The following CCDC39 variants were observed in gnomAD, a reference collection of about 807,000 sequenced individuals.
CCDC39 encodes coiled-coil domain 39 molecular ruler complex subunit.
A neutral mutation model predicts 121.0 loss-of-function variants in CCDC39; 113 were observed. That is an observed-to-expected ratio of 0.93 (90% CI 0.80 to 1.09). CCDC39 has a LOEUF of 1.09. CCDC39 is among the 50% of genes least tolerant of loss of function. The pLI is 0.00. For missense variants in CCDC39, 1,063 were observed against 1,074.7 expected, an observed-to-expected ratio of 0.99 and a Z score of 0.15; for synonymous variants, 349 against 352.2, an observed-to-expected ratio of 0.99 and a Z score of 0.10.
At chr3:180,646,886 T>G (rs1718079217) in intron 11 of CCDC39, among the ~76,000 whole-genome samples, 193 bp downstream of exon 11, 1 of 152,056 alleles carries the variant, frequency 6.6e-6, no homozygotes, top group African/African-American at 2.4e-5. Flanking sequence ...ATACAATATT[T>G]AGCATATACT....
At chr3:180,665,774 C>G (rs777357517) in intron 1 of CCDC39, among the ~76,000 whole-genome samples, 7 of 151,516 alleles carry the variant, frequency 4.6e-5, no homozygotes, top group Admixed American at 1.3e-4. Context: ...ATATAAGGGC[C>G]ACCCAAGAAT....
chr3:180,619,354 C>T lies in CCDC39; in HGVS notation c.2170G>A (p.Glu724Lys), dbSNP rs759035327. The change falls in exon 16 of 20, where the codon GAG becomes AAG. Residue 724 changes from glutamate to lysine, a missense_variant. Physicochemically the swap from Glu to Lys is moderately conservative, Grantham distance 56. Coordinates refer to ENST00000476379, the MANE Select transcript of CCDC39 (RefSeq NM_181426.2). ...KKVTPSSDEY[E>K]LKIQLEEQKR... ...TGTTCTTCTAGTTGAATTTTTAGCTCATACTCATCACCTGAAATGTAGAAC... is the reference window on the plus strand; with the variant it reads ...TGTTCTTCTAGTTGAATTTTTAGCTTATACTCATCACCTGAAATGTAGAAC... 2.0e-6 allele frequency: 3 copies of T among 1,484,276 alleles called. No homozygotes were observed. Among genetic ancestry groups the T allele is most frequent in the Admixed American group, 4.0e-5 (2 of 50,122 alleles). The allele number at this position is 1,484,276 out of a possible 1,614,324, so 91.9% of individuals were successfully genotyped here. A position where few individuals can be genotyped will look rare whatever the true frequency, so the allele number is the denominator to read the frequency against.
chr3:180,631,480 A>G lies in CCDC39; in HGVS notation c.1987T>C (p.Tyr663His). The change falls in exon 14 of 20, where the codon TAT becomes CAT. Residue 663 changes from tyrosine to histidine, a missense_variant. Physicochemically the swap from Tyr to His is moderately conservative, Grantham distance 83. Transcript: ENST00000476379. ...TCAATTAAAATTACCTTTATTACATAATAGGCCTGTGTTTTCTCCTCTTCT... is the reference window on the plus strand; with the variant it reads ...TCAATTAAAATTACCTTTATTACATGATAGGCCTGTGTTTTCTCCTCTTCT... ...EGEEEKTQAYYVIKAAQEKEE... is the reference protein window; with the variant it reads ...EGEEEKTQAYHVIKAAQEKEE... 3 of 1,604,600 alleles carry G rather than the reference A, an allele frequency of 1.9e-6. No individual in the cohort carries two copies. The highest frequency in any genetic ancestry group is 2.5e-6 in the Non-Finnish European group (3 of 1,178,604).
In CCDC39 at chr3:180,667,926, G is replaced by C. The variant is rs990340741; in HGVS notation, c.91-3940C>G. 1.3e-4 allele frequency among the ~76,000 whole-genome samples: 20 copies of C among 152,174 alleles called. 1 individual carries two copies. Among genetic ancestry groups the C allele is most frequent in the Non-Finnish European group, 7.3e-5 (5 of 68,032 alleles). On this transcript the variant is annotated intron_variant, in intron 1 of 19. Coordinates refer to ENST00000476379, the MANE Select transcript of CCDC39 (RefSeq NM_181426.2). ...TAGCCTTATTGCTGAAATGGAAAAAGTGAGGTAGGGATGGGTCTAGACTCC... is the reference window on the plus strand; with the variant it reads ...TAGCCTTATTGCTGAAATGGAAAAACTGAGGTAGGGATGGGTCTAGACTCC...
chr3:180,618,013 T>C (rs1419802109), intron 16 of CCDC39, among the ~76,000 whole-genome samples: 1 of 152,144 alleles, frequency 6.6e-6, no homozygotes, highest in African/African-American at 2.4e-5. Context: ...ATTTTTATTG[T>C]ACCTTTTCTA....
intron 7 of CCDC39, 112 bp from the exon 8 acceptor site, chr3:180,652,378 A>G (rs1308534355): frequency 1.8e-5 from 10 of 545,598 alleles, no homozygotes; most frequent in Non-Finnish European, 2.2e-5. Context: ...TCACACCCAC[A>G]AAAGTAGTAG....
chr3:180,635,390 TC>T (rs1208626689), intron 13 of CCDC39, among the ~76,000 whole-genome samples: 4 of 145,818 alleles, frequency 2.7e-5, no homozygotes, highest in Non-Finnish European at 6.2e-5. Context: ...CTTAGCTCAC[TC>T]CAGCATTAAC....
intron 13 of CCDC39, among the ~76,000 whole-genome samples, chr3:180,637,583 T>C (rs895974811): frequency 6.6e-6 from 1 of 152,202 alleles, no homozygotes; most frequent in Non-Finnish European, 1.5e-5. Flanking sequence ...ACCGGGTATA[T>C]ACCCAAAGGA....
At chr3:180,671,848 A>C (rs564042436) in intron 1 of CCDC39, among the ~76,000 whole-genome samples, 97 of 152,320 alleles carry the variant, frequency 6.4e-4, no homozygotes, top group African/African-American at 2.0e-3. Context: ...TGTTTAAGGA[A>C]AGAAACCATC....
At position 180,614,905 on chromosome 3, in the gene CCDC39, G is replaced by A. The variant is rs1717171504; in HGVS notation, c.*16C>T. The A allele has an allele frequency of 1.3e-6, 2 of 1,545,140 alleles. No individual in the cohort carries two copies. The stretch of plus-strand genomic sequence containing the variant: ...TGTTTTTGTGTTTACAACTTTTTCA[G>A]AAGAGATTAAAATGTTTATTTGCTG... On this transcript the variant is annotated 3_prime_UTR_variant, in exon 20 of 20. Transcript: ENST00000476379.
At position 180,661,951 on chromosome 3, in the gene CCDC39, A is replaced by G. The variant is rs61733581; in HGVS notation, c.267T>C (p.Ile89=). ...ETESEEHFKA[I]AQRELGRVKD... is the part of the protein sequence containing the mutation. ...TCACTCGTCCCAATTCTCTTTGAGC[A>G]ATGGCCTTAAAATGTTCTTCACTTT... The change falls in exon 3 of 20, where the codon ATT becomes ATC. Residue 89 remains isoleucine (I), a synonymous_variant. Transcript: ENST00000476379. 74 of 1,563,216 alleles carry G rather than the reference A, an allele frequency of 4.7e-5. No homozygotes were observed. The African/African-American group carries it at 9.3e-4, about 20-fold the overall frequency.
At position 180,614,838 on chromosome 3, in the gene CCDC39, G is replaced by T; in HGVS notation, c.*83C>A. The T allele has an allele frequency of 7.7e-7, 1 of 1,294,414 alleles. No homozygotes were observed. Among genetic ancestry groups the T allele is most frequent in the Non-Finnish European group, 1.1e-6 (1 of 943,992 alleles). 80.2% of individuals were successfully genotyped at this position (1,294,414 alleles called of 1,614,324 possible). On this transcript the variant is annotated 3_prime_UTR_variant, in exon 20 of 20. Transcript: ENST00000476379. ...CACTAAGTTTTTACACTTTCCACTA[G>T]ATAAAATGTGTTGGGTCGTTTTGTA...
chr3:180,643,466 C>T (rs1718006487), intron 12 of CCDC39, among the ~76,000 whole-genome samples: 1 of 151,916 alleles, frequency 6.6e-6, no homozygotes, highest in East Asian at 1.9e-4. Flanking sequence ...TTTTAAACCA[C>T]CAATTTTAAA....
chr3:180,638,659 A>G (rs898840182), intron 13 of CCDC39, among the ~76,000 whole-genome samples: 1 of 152,124 alleles, frequency 6.6e-6, no homozygotes, highest in Non-Finnish European at 1.5e-5. Context: ...GGGAAAAGGA[A>G]AAGAAGAGGT....
intron 14 of CCDC39, among the ~76,000 whole-genome samples, chr3:180,628,198 A>G (rs1717608268): frequency 6.6e-6 from 1 of 152,190 alleles, no homozygotes; most frequent in Non-Finnish European, 1.5e-5. Context: ...TCTAGACTCC[A>G]GATGTATCAG....
At chr3:180,676,439 T>C (rs1316681324) in intron 1 of CCDC39, among the ~76,000 whole-genome samples, 5 of 152,188 alleles carry the variant, frequency 3.3e-5, no homozygotes. Context: ...AAAACCACAA[T>C]GAGATATCAT....
chr3:180,665,592 T>TA (rs1388204983), intron 1 of CCDC39, among the ~76,000 whole-genome samples: 1 of 152,034 alleles, frequency 6.6e-6, no homozygotes, highest in East Asian at 1.9e-4. Flanking sequence ...AAAAAGTTAT[T>TA]AAAATGAGTT....
intron 6 of CCDC39, among the ~76,000 whole-genome samples, chr3:180,658,667 G>T (rs1387069350): frequency 6.6e-6 from 1 of 151,948 alleles, no homozygotes; most frequent in East Asian, 1.9e-4. Context: ...TCCTAGGGAG[G>T]TATAACCAGT....
chr3:180,638,078 T>TA (rs1717873410), intron 13 of CCDC39, among the ~76,000 whole-genome samples: 1 of 151,938 alleles, frequency 6.6e-6, no homozygotes, highest in Admixed American at 6.6e-5. Flanking sequence ...GAACCAAAGA[T>TA]AAAAAAATTT....
Sources: allele counts gnomAD v4.1 joint callset (sites outside exome capture counted in the v4.1 genomes callset), GRCh38; gene constraint gnomAD v4.1.1; transcripts MANE v1.5; gene names NCBI Gene and HGNC (gene_info 2026-07-23, HGNC 2026-07-21).